GRXCR1: variants seen among roughly 807,000 people sequenced by gnomAD.
GRXCR1 encodes glutaredoxin domain-containing cysteine-rich protein 1.
A neutral mutation model predicts 27.3 loss-of-function variants in GRXCR1; 27 were observed. The observed-to-expected ratio is 0.99, with a 90% CI of 0.73 to 1.37. GRXCR1 has a LOEUF of 1.37. Among genes scored for constraint, GRXCR1 ranks in the 40% most tolerant of loss-of-function variants. The pLI, the probability that GRXCR1 is intolerant of heterozygous loss-of-function variation, is 0.00. For synonymous variants in GRXCR1, 122 were observed against 131.1 expected (o/e 0.93, Z 0.47); for missense variants, 379 against 354.4 (o/e 1.07, Z -0.56).
At chr4:43,022,233 A>G (rs528646962) in intron 3 of GRXCR1, among the ~76,000 whole-genome samples, 38 of 152,326 alleles carry the variant, frequency 2.5e-4, no homozygotes, top group African/African-American at 8.7e-4. Flanking sequence ...TCAATATCAT[A>G]CTATTTTAAT....
At chr4:42,941,476 C>T (rs1159756309) in intron 1 of GRXCR1, among the ~76,000 whole-genome samples, 1 of 151,854 alleles carries the variant, frequency 6.6e-6, no homozygotes, top group Non-Finnish European at 1.5e-5. Context: ...CCCACTATTC[C>T]CTGTTGAATT....
chr4:42,953,371 G>T (rs1747927233), intron 1 of GRXCR1, among the ~76,000 whole-genome samples: 1 of 152,178 alleles, frequency 6.6e-6, no homozygotes, highest in Admixed American at 6.6e-5. Context: ...CTTTTAGGAT[G>T]TTTACCCTTT....
At chr4:42,902,182 G>A (rs886660429) in intron 1 of GRXCR1, among the ~76,000 whole-genome samples, 1 of 152,110 alleles carries the variant, frequency 6.6e-6, no homozygotes, top group Non-Finnish European at 1.5e-5. Flanking sequence ...CACCAAGTGA[G>A]TCAAAAGAAA....
chr4:42,970,494 T>C (rs1398182447), intron 2 of GRXCR1, among the ~76,000 whole-genome samples: 1 of 152,156 alleles, frequency 6.6e-6, no homozygotes, highest in Admixed American at 6.5e-5. Flanking sequence ...TCTGCATACT[T>C]GCAGGCCCAA....
At chr4:42,981,865 T>G (rs929549564) in intron 2 of GRXCR1, among the ~76,000 whole-genome samples, 1 of 152,320 alleles carries the variant, frequency 6.6e-6, no homozygotes, top group South Asian at 2.1e-4. Flanking sequence ...CTTCTCTTTA[T>G]CTTTGATTTT....
In GRXCR1 at chr4:42,893,457, G is replaced by A. The variant is rs978798226; in HGVS notation, c.191G>A (p.Gly64Asp). Residue 64 changes from glycine to aspartate, a missense_variant, in exon 1 of 4, where the codon GGC (glycine) becomes GAC (aspartate). Physicochemically the swap from Gly to Asp is moderately conservative, Grantham distance 94. Coordinates refer to ENST00000399770, the MANE Select transcript of GRXCR1 (RefSeq NM_001080476.3). ...GLGDSDGQQN[G>D]HIESEGDENE... ...GGTGATTCCGATGGACAGCAGAATG[G>A]CCACATAGAGTCAGAAGGTGATGAG... The A allele has an allele frequency of 8.7e-6, 14 of 1,613,742 alleles. No individual in the cohort carries two copies. In the African/African-American group the frequency reaches 9.3e-5, roughly 11 times the overall value.
intron 2 of GRXCR1, among the ~76,000 whole-genome samples, chr4:43,012,192 G>A (rs1299957072): frequency 1.3e-5 from 2 of 152,184 alleles, no homozygotes; most frequent in East Asian, 1.9e-4. Context: ...AGCCTAGCTA[G>A]CATGCGGCTC....
At chr4:42,987,660 A>G (rs1341937234) in intron 2 of GRXCR1, among the ~76,000 whole-genome samples, 1 of 152,112 alleles carries the variant, frequency 6.6e-6, no homozygotes, top group Non-Finnish European at 1.5e-5. Flanking sequence ...TTCTAGAGAG[A>G]ACAAACCTTT....
At chr4:42,894,007 G>A (rs1457374084) in intron 1 of GRXCR1, among the ~76,000 whole-genome samples, 10 of 152,062 alleles carry the variant, frequency 6.6e-5, no homozygotes. Flanking sequence ...TATTATCCTT[G>A]AAATACCAGT....
At chr4:42,966,086 G>T (rs567963696) in intron 2 of GRXCR1, among the ~76,000 whole-genome samples, 1 of 152,040 alleles carries the variant, frequency 6.6e-6, no homozygotes, top group Admixed American at 6.6e-5. Flanking sequence ...CACTGCCCTT[G>T]GATACTCCAC....
chr4:42,960,657 T>A (rs1027326221), intron 1 of GRXCR1, among the ~76,000 whole-genome samples: 4 of 151,878 alleles, frequency 2.6e-5, no homozygotes, highest in Non-Finnish European at 4.4e-5. Context: ...TTTTTCACAT[T>A]TTCTCTTACT....
At position 42,893,254 on chromosome 4, in the gene GRXCR1, G is replaced by A; in HGVS notation, c.-13G>A. 1 of 1,613,366 alleles carries A rather than the reference G, an allele frequency of 6.2e-7. No homozygotes were observed. The highest frequency in any genetic ancestry group is 8.5e-7 in the Non-Finnish European group (1 of 1,179,630). On this transcript the variant is annotated 5_prime_UTR_variant, in exon 1 of 4. Coordinates refer to ENST00000399770, the MANE Select transcript of GRXCR1 (RefSeq NM_001080476.3). ...CAGAATGCTGTAAACTGTTCATATGGGTGGAGGTGACCATGCTTAAAAGGG... is the reference window on the plus strand; with the variant it reads ...CAGAATGCTGTAAACTGTTCATATGAGTGGAGGTGACCATGCTTAAAAGGG...
intron 3 of GRXCR1, among the ~76,000 whole-genome samples, chr4:43,027,105 G>T (rs1002881966): frequency 2.0e-5 from 3 of 152,164 alleles, no homozygotes; most frequent in African/African-American, 7.2e-5. Context: ...TTTAGCTTAA[G>T]GTAGCAGTTA....
chr4:42,917,186 T>C (rs1190448923), intron 1 of GRXCR1, among the ~76,000 whole-genome samples: 3 of 152,178 alleles, frequency 2.0e-5, no homozygotes, highest in Non-Finnish European at 4.4e-5. Flanking sequence ...TTTCTCTGTC[T>C]ATCTATTTAT....
At chr4:42,949,296 T>C (rs144606332) in intron 1 of GRXCR1, among the ~76,000 whole-genome samples, 244 of 122,104 alleles carry the variant, frequency 2.0e-3, no homozygotes, top group African/African-American at 7.6e-3. Context: ...ACCTGGGAGG[T>C]GGAGAGCTGA....
chr4:42,935,234 A>G (rs1747429283), intron 1 of GRXCR1, among the ~76,000 whole-genome samples: 1 of 151,950 alleles, frequency 6.6e-6, no homozygotes, highest in Non-Finnish European at 1.5e-5. Context: ...CAGAGACAGA[A>G]ACAGTAGCAA....
chr4:42,929,513 A>C (rs1747255418), intron 1 of GRXCR1, among the ~76,000 whole-genome samples: 1 of 151,966 alleles, frequency 6.6e-6, no homozygotes, highest in African/African-American at 2.4e-5. Flanking sequence ...GCCTGTGGAG[A>C]GAATCTCACT....
intron 1 of GRXCR1, among the ~76,000 whole-genome samples, chr4:42,943,887 C>A (rs1412981941): frequency 6.6e-6 from 1 of 151,974 alleles, no homozygotes; most frequent in Non-Finnish European, 1.5e-5. Context: ...TACCTCTAAA[C>A]ACTCTACAAT....
At chr4:42,960,403 T>C (rs974422013) in intron 1 of GRXCR1, among the ~76,000 whole-genome samples, 1 of 151,944 alleles carries the variant, frequency 6.6e-6, no homozygotes, top group Non-Finnish European at 1.5e-5. Flanking sequence ...TGTGCCTTGC[T>C]TGCTGATACC....
Sources: allele counts gnomAD v4.1 joint callset (sites outside exome capture counted in the v4.1 genomes callset), GRCh38; gene constraint gnomAD v4.1.1; transcripts MANE v1.5; gene names NCBI Gene and HGNC (gene_info 2026-07-23, HGNC 2026-07-21).